FOXK1: variants seen among roughly 807,000 people sequenced by gnomAD.
FOXK1 encodes the protein forkhead box protein K1.
In FOXK1, 19 loss-of-function variants were observed where a neutral mutation model predicts 51.9. The ratio of observed to expected loss-of-function variants is 0.37; its 90% CI spans 0.26 to 0.54. The LOEUF (loss-of-function observed/expected upper bound fraction) is 0.54. FOXK1 is among the 20% of genes least tolerant of loss of function. The pLI is 0.87. For synonymous variants in FOXK1, 537 were observed against 482.6 expected (o/e 1.11, Z -1.48); for missense variants, 870 against 1,032.7 (o/e 0.84, Z 2.16).
In FOXK1 at chr7:4,682,881, G is replaced by A. The variant is rs1348477197; in HGVS notation, c.560+13G>A. 3 of 1,452,236 alleles carry A rather than the reference G, an allele frequency of 2.1e-6. No individual in the cohort carries two copies. Among genetic ancestry groups the A allele is most frequent in the African/African-American group, 1.5e-5 (1 of 68,944 alleles). The allele number at this position is 1,452,236 out of a possible 1,614,324, so 90.0% of individuals were successfully genotyped here. On this transcript the variant is annotated intron_variant, in intron 1 of 8. Transcript: ENST00000328914. This position sits in a 1 kb window ranked among gnomAD's most constrained non-coding sequence, Gnocchi z 7.6. ...AGCTGCCCAAGCAGTGAGTGGCCCC[G>A]CGACCCCCGCCGCCCGCACCCGGGG... is the stretch of plus-strand genomic sequence containing the variant.
chr7:4,749,990 C>T lies in FOXK1; in HGVS notation c.747-4469C>T, dbSNP rs566499914. On this transcript the variant is annotated intron_variant, in intron 2 of 8. Coordinates refer to ENST00000328914, the MANE Select transcript of FOXK1 (RefSeq NM_001037165.2). This position sits in a 1 kb window ranked among gnomAD's most constrained non-coding sequence, Gnocchi z 6.0. ...ACCTTCTAGGCCCGGCCCCTGGATG[C>T]GGTGGAGGCTGCCCGGGGTGGGTCA... Among the ~76,000 whole-genome samples the T allele has an allele frequency of 3.9e-5, 6 of 152,328 alleles. No individual in the cohort carries two copies. The highest frequency in any genetic ancestry group is 7.2e-5 in the African/African-American group (3 of 41,576).
rs925902655 is a variant in FOXK1 at position 4,707,975 on chromosome 7, G to A, written c.560+25107G>A. Among the ~76,000 whole-genome samples the A allele has an allele frequency of 4.6e-5, 7 of 152,220 alleles. No homozygotes were observed. Among genetic ancestry groups the A allele is most frequent in the East Asian group, 1.9e-4 (1 of 5,170 alleles). On this transcript the variant is annotated intron_variant, in intron 1 of 8. Coordinates refer to ENST00000328914, the MANE Select transcript of FOXK1 (RefSeq NM_001037165.2). The surrounding 1 kb of genome is among the most constrained non-coding windows in gnomAD (Gnocchi z 4.1). ...TGGGATTACACCCATGAGCCACTGC[G>A]CTCAGCCTGTTTTCACCTGTTTTCT...
rs564566124 is a variant in FOXK1, at chr7:4,759,681, G to A, written c.1696+86G>A. The A allele has an allele frequency of 4.2e-4, 600 of 1,421,332 alleles. 3 individuals are homozygous for A. In the Middle Eastern group the frequency reaches 5.2e-3, roughly 12 times the overall value. The allele number at this position is 1,421,332 out of a possible 1,614,324, so 88.0% of individuals were successfully genotyped here. On this transcript the variant is annotated intron_variant, in intron 7 of 8. Coordinates refer to ENST00000328914, the MANE Select transcript of FOXK1 (RefSeq NM_001037165.2). ...TCCCCAAGGCAGCGCCATTGGCCTG[G>A]GCCTGGGGCTTGAGGAGGATGATTC...
chr7:4,739,647 C>T (rs1780605237), intron 1 of FOXK1, among the ~76,000 whole-genome samples: 1 of 152,192 alleles, frequency 6.6e-6, no homozygotes, highest in Non-Finnish European at 1.5e-5. Context: ...AAAACCGAGG[C>T]TCACGGTTTT....
chr7:4,694,372 CT>C (rs1478930367), intron 1 of FOXK1, among the ~76,000 whole-genome samples: 1 of 152,112 alleles, frequency 6.6e-6, no homozygotes, highest in Non-Finnish European at 1.5e-5. Flanking sequence ...GATAGGAACT[CT>C]TGGAGGAAAT....
In FOXK1 at chr7:4,768,348, G is replaced by C. The variant is rs917993001; in HGVS notation, c.*5884G>C. 7.2e-6 allele frequency: 1 copy of C among 138,442 alleles called. No individual in the cohort carries two copies. Among genetic ancestry groups the C allele is most frequent in the Non-Finnish European group, 1.5e-5 (1 of 67,100 alleles). The allele number at this position is 138,442 out of a possible 1,614,324, so 8.6% of individuals were successfully genotyped here. A position where few individuals can be genotyped will look rare whatever the true frequency, so the allele number is the denominator to read the frequency against. ...GGGGTTTCACCGTGTTAGCCAGGATGGTCTCGATCTCCTGACCTCGTGATC... is the reference window on the plus strand; with the variant it reads ...GGGGTTTCACCGTGTTAGCCAGGATCGTCTCGATCTCCTGACCTCGTGATC... On this transcript the variant is annotated 3_prime_UTR_variant, in exon 9 of 9. Transcript: ENST00000328914.
At chr7:4,751,537 T>C (rs2115068579) in intron 2 of FOXK1, among the ~76,000 whole-genome samples, 1 of 152,334 alleles carries the variant, frequency 6.6e-6, no homozygotes, top group East Asian at 1.9e-4. Flanking sequence ...GCTGTGAGGC[T>C]CGAGCAGCCT....
At position 4,769,693 on chromosome 7, in the gene FOXK1, A is replaced by T. The variant is rs1781071314; in HGVS notation, c.*7229A>T. 1 of 152,174 alleles carries T rather than the reference A, an allele frequency of 6.6e-6. No individual in the cohort carries two copies. Among genetic ancestry groups the T allele is most frequent in the South Asian group, 2.1e-4 (1 of 4,832 alleles). The allele number at this position is 152,174 out of a possible 1,614,324, so 9.4% of individuals were successfully genotyped here. ...TGACCTCAGGTGATCTGCCCACCTC[A>T]ACCTCCCAAAGTGCTGGGATTATAG... On this transcript the variant is annotated 3_prime_UTR_variant, in exon 9 of 9. Transcript: ENST00000328914. This position sits in a 1 kb window ranked among gnomAD's most constrained non-coding sequence, Gnocchi z 4.1.
chr7:4,755,970 A>C lies in FOXK1; in HGVS notation c.1050+587A>C, dbSNP rs1002567137. On this transcript the variant is annotated intron_variant, in intron 4 of 8. Coordinates refer to ENST00000328914, the MANE Select transcript of FOXK1 (RefSeq NM_001037165.2). The surrounding 1 kb of genome is among the most constrained non-coding windows in gnomAD (Gnocchi z 6.6). ...ACGTTAAGTTGGAAAAATGTACCAT[A>C]TACTGTTATTCAAACAATCCACATG... Among the ~76,000 whole-genome samples the C allele has an allele frequency of 3.3e-5, 5 of 152,178 alleles. No homozygotes were observed. The highest frequency in any genetic ancestry group is 6.5e-5 in the Admixed American group (1 of 15,272).
At chr7:4,719,120 G>GTTT (rs376026153) in intron 1 of FOXK1, among the ~76,000 whole-genome samples, 14 of 147,146 alleles carry the variant, frequency 9.5e-5, no homozygotes, top group African/African-American at 3.3e-4. Context: ...TGTTTTTTTT[G>GTTT]TTTTTTTTTT....
chr7:4,748,039 T>C lies in FOXK1; in HGVS notation c.747-6420T>C, dbSNP rs1232246090. 1.3e-5 allele frequency among the ~76,000 whole-genome samples: 2 copies of C among 152,240 alleles called. No individual in the cohort carries two copies. The highest frequency in any genetic ancestry group is 2.9e-5 in the Non-Finnish European group (2 of 68,042). On this transcript the variant is annotated intron_variant, in intron 2 of 8. Coordinates refer to ENST00000328914, the MANE Select transcript of FOXK1 (RefSeq NM_001037165.2). The surrounding 1 kb of genome is among the most constrained non-coding windows in gnomAD (Gnocchi z 4.9). ...AGCATTTTACAATGTCGGATTTATCTTAAAGGAACACATTCTTTAAGATCA... is the reference window on the plus strand; with the variant it reads ...AGCATTTTACAATGTCGGATTTATCCTAAAGGAACACATTCTTTAAGATCA...
chr7:4,746,087 T>G (rs1406627260), intron 2 of FOXK1, among the ~76,000 whole-genome samples: 1 of 152,194 alleles, frequency 6.6e-6, no homozygotes, highest in East Asian at 1.9e-4. Context: ...CTTCAAGAGC[T>G]GTTTCTCTTA....
chr7:4,703,971 A>T lies in FOXK1; in HGVS notation c.560+21103A>T, dbSNP rs540175284. On this transcript the variant is annotated intron_variant, in intron 1 of 8. Coordinates refer to ENST00000328914, the MANE Select transcript of FOXK1 (RefSeq NM_001037165.2). This position sits in a 1 kb window ranked among gnomAD's most constrained non-coding sequence, Gnocchi z 5.6. Reference sequence around the variant, plus strand: ...AAAAAATGCGTGTATACGTACCCCTACGTGTGGAAAACTGGCTACCGCATG... The same window carrying T: ...AAAAAATGCGTGTATACGTACCCCTTCGTGTGGAAAACTGGCTACCGCATG... Among the ~76,000 whole-genome samples, 28 of 152,268 alleles carry T rather than the reference A, an allele frequency of 1.8e-4. No homozygotes were observed. The highest frequency in any genetic ancestry group is 5.2e-4 in the Admixed American group (8 of 15,288).
At position 4,734,522 on chromosome 7, in the gene FOXK1, C is replaced by T. The variant is rs1780525386; in HGVS notation, c.561-6316C>T. 6.6e-6 allele frequency among the ~76,000 whole-genome samples: 1 copy of T among 152,192 alleles called. No individual in the cohort carries two copies. The highest frequency in any genetic ancestry group is 1.5e-5 in the Non-Finnish European group (1 of 68,034). ...CTGTCTTCCTTGATGGGGGCATTCCCCAAGTGTCTGTTCTTGTGGAAGGGG... is the reference window on the plus strand; with the variant it reads ...CTGTCTTCCTTGATGGGGGCATTCCTCAAGTGTCTGTTCTTGTGGAAGGGG... On this transcript the variant is annotated intron_variant, in intron 1 of 8. Transcript: ENST00000328914. This position sits in a 1 kb window ranked among gnomAD's most constrained non-coding sequence, Gnocchi z 5.2.
rs7781115 is a variant in FOXK1, at chr7:4,745,185, A to T, written c.746+4162A>T. ...GCTGCCTGCAAGGCTGTCCCCTCCC[A>T]GTGCCGCCCCGCCCCCGCGGTGCCT... On this transcript the variant is annotated intron_variant, in intron 2 of 8. Coordinates refer to ENST00000328914, the MANE Select transcript of FOXK1 (RefSeq NM_001037165.2). This position sits in a 1 kb window ranked among gnomAD's most constrained non-coding sequence, Gnocchi z 4.3. Among the ~76,000 whole-genome samples the T allele has an allele frequency of 6.6e-6, 1 of 151,994 alleles. No homozygotes were observed.
chr7:4,731,552 G>C lies in FOXK1; in HGVS notation c.561-9286G>C, dbSNP rs1388605051. Among the ~76,000 whole-genome samples, 1 of 152,134 alleles carries C rather than the reference G, an allele frequency of 6.6e-6. No homozygotes were observed. Among genetic ancestry groups the C allele is most frequent in the African/African-American group, 2.4e-5 (1 of 41,446 alleles). ...AAGCGGGTGCATCACCTGAGGTCAGGAGTTCAAGACCAGCCTGGCCAACAT... is the reference window on the plus strand; with the variant it reads ...AAGCGGGTGCATCACCTGAGGTCAGCAGTTCAAGACCAGCCTGGCCAACAT... On this transcript the variant is annotated intron_variant, in intron 1 of 8. Transcript: ENST00000328914. This position sits in a 1 kb window ranked among gnomAD's most constrained non-coding sequence, Gnocchi z 5.3.
intron 1 of FOXK1, among the ~76,000 whole-genome samples, chr7:4,692,304 G>A (rs1311007468): frequency 1.3e-5 from 2 of 152,180 alleles, no homozygotes; most frequent in Admixed American, 6.6e-5. Context: ...CTGCAGATAC[G>A]TAGTTGGAAA....
At chr7:4,702,702 ATCT>A (rs1432911931) in intron 1 of FOXK1, among the ~76,000 whole-genome samples, 27 of 152,292 alleles carry the variant, frequency 1.8e-4, no homozygotes, top group South Asian at 8.3e-4. Context: ...GTGTCGTGAC[ATCT>A]TCTTCATGAT....
intron 1 of FOXK1, 144 bp from the exon 2 acceptor site, chr7:4,740,694 A>G: frequency 1.4e-6 from 1 of 718,378 alleles, no homozygotes; most frequent in Non-Finnish European, 2.3e-6. Context: ...GTGTCCTGAT[A>G]AAAGCATCGA....
Sources: allele counts gnomAD v4.1 joint callset (sites outside exome capture counted in the v4.1 genomes callset), GRCh38; gene constraint gnomAD v4.1.1; non-coding constraint Gnocchi (gnomAD v3.1); transcripts MANE v1.5; gene names NCBI Gene and HGNC (gene_info 2026-07-23, HGNC 2026-07-21).